Variants in SPTBN1 observed in about 807,000 individuals in gnomAD.
SPTBN1 encodes spectrin beta chain, non-erythrocytic 1.
Under a neutral mutation model 266.4 loss-of-function variants are expected in SPTBN1, and 32 were observed. The ratio of observed to expected loss-of-function variants is 0.12; its 90% CI spans 0.09 to 0.16. The LOEUF (loss-of-function observed/expected upper bound fraction) is 0.16, where lower values mean the gene tolerates loss of function less well. Ranked by LOEUF, SPTBN1 falls within the 10% of genes least tolerant of loss-of-function variation. SPTBN1 has a pLI of 1.00. For missense variants in SPTBN1, 2,296 were observed against 3,067.1 expected (o/e 0.75, Z 5.94); for synonymous variants, 1,336 against 1,162.2 (o/e 1.15, Z -3.04).
chr2:54,518,969 G>A (rs1670271298), intron 1 of SPTBN1, among the ~76,000 whole-genome samples: 1 of 152,112 alleles, frequency 6.6e-6, no homozygotes, highest in Admixed American at 6.5e-5. Flanking sequence ...TTATGTGTAT[G>A]GAGAGGCACC....
At chr2:54,468,444 A>G (rs948692422) in intron 1 of SPTBN1, among the ~76,000 whole-genome samples, 1 of 150,648 alleles carries the variant, frequency 6.6e-6, no homozygotes, top group Non-Finnish European at 1.5e-5. Context: ...CATACATATT[A>G]AGGGCCAATC....
chr2:54,577,318 C>T (rs1164327647), intron 2 of SPTBN1, among the ~76,000 whole-genome samples: 1 of 152,146 alleles, frequency 6.6e-6, no homozygotes, highest in Non-Finnish European at 1.5e-5. Context: ...TTTCATTTTA[C>T]CGAATGTGCT....
chr2:54,571,546 T>TACACAC (rs71408769), intron 2 of SPTBN1, among the ~76,000 whole-genome samples: 5 of 134,444 alleles, frequency 3.7e-5, no homozygotes, highest in Admixed American at 1.4e-4. Context: ...TAATTGTATG[T>TACACAC]ACACACACAC....
chr2:54,595,160 A>T (rs1362762334), intron 2 of SPTBN1, among the ~76,000 whole-genome samples: 1 of 152,148 alleles, frequency 6.6e-6, no homozygotes, highest in Non-Finnish European at 1.5e-5. Flanking sequence ...AATTAGTGAG[A>T]CTATTTCTTT....
At chr2:54,464,822 T>C (rs927427356) in intron 1 of SPTBN1, among the ~76,000 whole-genome samples, 3 of 152,160 alleles carry the variant, frequency 2.0e-5, no homozygotes, top group Non-Finnish European at 4.4e-5. Flanking sequence ...CCCAAGTAGT[T>C]GCAGGCGTGT....
intron 2 of SPTBN1, among the ~76,000 whole-genome samples, chr2:54,594,751 T>C (rs1295287412): frequency 6.6e-6 from 1 of 152,098 alleles, no homozygotes; most frequent in Middle Eastern, 3.2e-3. Context: ...GAAGGGATTT[T>C]TTGAAAGAGA....
chr2:54,568,990 T>G (rs1328010690), intron 2 of SPTBN1, among the ~76,000 whole-genome samples: 1 of 152,248 alleles, frequency 6.6e-6, no homozygotes, highest in East Asian at 1.9e-4. Context: ...TACCTAGTGG[T>G]GCCTTCAGGT....
chr2:54,521,368 A>G (rs190632154), intron 1 of SPTBN1, among the ~76,000 whole-genome samples: 1 of 152,348 alleles, frequency 6.6e-6, no homozygotes, highest in Admixed American at 6.5e-5. Context: ...CTTGAAAATA[A>G]AATAGTGGGT....
chr2:54,641,064 A>G (rs559071759), intron 18 of SPTBN1, among the ~76,000 whole-genome samples: 1 of 152,220 alleles, frequency 6.6e-6, no homozygotes, highest in South Asian at 2.1e-4. Flanking sequence ...TTTTTTCCTT[A>G]TCTTTTTCCA....
At chr2:54,659,378 C>T (rs1680887397) in intron 31 of SPTBN1, 112 bp downstream of exon 31, 2 of 1,015,690 alleles carry the variant, frequency 2.0e-6, no homozygotes, top group South Asian at 1.4e-5. Context: ...GCCCTGCCTA[C>T]TGATTGCTTC....
At chr2:54,480,797 T>C (rs1457279913) in intron 1 of SPTBN1, among the ~76,000 whole-genome samples, 1 of 152,228 alleles carries the variant, frequency 6.6e-6, no homozygotes, top group Non-Finnish European at 1.5e-5. Flanking sequence ...TTTGAGAACT[T>C]ATTGGCTGTG....
At chr2:54,530,983 T>G (rs1253514514) in intron 2 of SPTBN1, among the ~76,000 whole-genome samples, 1 of 152,172 alleles carries the variant, frequency 6.6e-6, no homozygotes, top group African/African-American at 2.4e-5. Flanking sequence ...CATCATCCAC[T>G]CATCTGTGGG....
chr2:54,647,545 C>T (rs1195070855), intron 24 of SPTBN1, among the ~76,000 whole-genome samples: 1 of 152,200 alleles, frequency 6.6e-6, no homozygotes, highest in Non-Finnish European at 1.5e-5. Context: ...TACAGGTTGA[C>T]TAGGCTGGGC....
chr2:54,469,062 C>A (rs1248444876), intron 1 of SPTBN1, among the ~76,000 whole-genome samples: 2 of 152,178 alleles, frequency 1.3e-5, no homozygotes, highest in Non-Finnish European at 2.9e-5. Flanking sequence ...GATTTAGGAT[C>A]TGTTTCAAGA....
rs1681662353 is a variant in SPTBN1, at chr2:54,670,910, G to A, written c.*2341G>A. 2.5e-6 allele frequency: 1 copy of A among 398,184 alleles called. No homozygotes were observed. The highest frequency in any genetic ancestry group is 2.1e-5 in the African/African-American group (1 of 48,708). The allele number at this position is 398,184 out of a possible 1,614,324, so 24.7% of individuals were successfully genotyped here. A position where few individuals can be genotyped will look rare whatever the true frequency, so the allele number is the denominator to read the frequency against. ...GCCATCAGAGGTTACAGGCCGCACA[G>A]CCTGATGAGCTTCAAGCCTGGCAGG... On this transcript the variant is annotated 3_prime_UTR_variant, in exon 36 of 36. Coordinates refer to ENST00000356805, the MANE Select transcript of SPTBN1 (RefSeq NM_003128.3).
rs1033820911 is a variant in SPTBN1, at chr2:54,533,245, C to T, written c.148+6679C>T. 2.0e-5 allele frequency among the ~76,000 whole-genome samples: 3 copies of T among 151,994 alleles called. No homozygotes were observed. Among genetic ancestry groups the T allele is most frequent in the South Asian group, 2.1e-4 (1 of 4,826 alleles). ...GCTCAGGATGGCATGCAATTTAAAA[C>T]GTATGAATTGCCTATTTCTTCAGTT... On this transcript the variant is annotated intron_variant, in intron 2 of 35. Transcript: ENST00000356805. The surrounding 1 kb of genome is among the most constrained non-coding windows in gnomAD (Gnocchi z 4.2).
intron 9 of SPTBN1, 147 bp downstream of exon 9, chr2:54,622,634 T>G: frequency 1.1e-6 from 1 of 924,224 alleles, no homozygotes; most frequent in Non-Finnish European, 1.6e-6. Context: ...TGACTCTGTT[T>G]TGCTGAGATT....
chr2:54,647,004 C>A, intron 23 of SPTBN1, 127 bp from the exon 24 acceptor site: 1 of 1,380,342 alleles, frequency 7.2e-7, no homozygotes, highest in Non-Finnish European at 1.0e-6. Flanking sequence ...ACTGTCCGTA[C>A]TGCACCTCTG....
At chr2:54,495,280 T>G (rs1204023543) in intron 1 of SPTBN1, among the ~76,000 whole-genome samples, 1 of 152,124 alleles carries the variant, frequency 6.6e-6, no homozygotes, top group Non-Finnish European at 1.5e-5. Flanking sequence ...ACAGACAAAA[T>G]CAACTCGGCT....
Sources: gnomAD v4.1 joint callset for allele counts (sites outside exome capture counted in the v4.1 genomes callset) on GRCh38, gnomAD v4.1.1 for gene constraint, Gnocchi (gnomAD v3.1) non-coding constraint, MANE v1.5 for transcripts, NCBI Gene and HGNC (gene_info 2026-07-23, HGNC 2026-07-21) for gene names.